DLGAP2: variants seen among roughly 807,000 people sequenced by gnomAD.
DLGAP2 encodes the protein DLG associated protein 2, also known as disks large-associated protein 2.
In DLGAP2, 26 loss-of-function variants were observed where a neutral mutation model predicts 100.3. That is an observed-to-expected ratio of 0.26 (90% CI 0.19 to 0.36). DLGAP2 has a LOEUF of 0.36. Among genes scored for constraint, DLGAP2 ranks in the 10% least tolerant of loss-of-function variants. DLGAP2 has a pLI of 1.00. For missense variants in DLGAP2, 1,858 were observed against 1,453.2 expected, an observed-to-expected ratio of 1.28 and a Z score of -4.53; for synonymous variants, 886 against 630.1, an observed-to-expected ratio of 1.41 and a Z score of -6.08.
chr8:1,075,753 G>C (rs1267573601), intron 2 of DLGAP2, among the ~76,000 whole-genome samples: 4 of 152,024 alleles, frequency 2.6e-5, no homozygotes, highest in Admixed American at 6.5e-5. Flanking sequence ...GCTGAGTGAT[G>C]AGCAGATGGT....
chr8:924,014 C>T lies in DLGAP2; in HGVS notation c.73+16048C>T, dbSNP rs765315098. Among the ~76,000 whole-genome samples the T allele has an allele frequency of 4.6e-5, 7 of 152,122 alleles. No homozygotes were observed. The East Asian group carries it at 9.6e-4, about 21-fold the overall frequency. ...ATGCTGTTAACATTGCTTTGAATTC[C>T]GTAGTTACTGATGAATGTCACATGA... On this transcript the variant is annotated intron_variant, in intron 2 of 14. Transcript: ENST00000637795.
intron 2 of DLGAP2, among the ~76,000 whole-genome samples, chr8:1,053,111 C>T (rs1022432146): frequency 1.3e-5 from 2 of 152,122 alleles, no homozygotes; most frequent in Non-Finnish European, 2.9e-5. Flanking sequence ...TTTGCAATTT[C>T]GCAATGGAAA....
chr8:1,351,890 G>C lies in DLGAP2; in HGVS notation c.106+93007G>C, dbSNP rs1347692708. ...GCAGGTCCTGACTGTGTTTGGAAAG[G>C]CCGTGCGGGTCCTGACTGTGGAAAG... is the stretch of plus-strand genomic sequence containing the variant. On this transcript the variant is annotated intron_variant, in intron 3 of 14. Coordinates refer to ENST00000637795, the MANE Select transcript of DLGAP2 (RefSeq NM_001346810.2). 2.9e-4 allele frequency among the ~76,000 whole-genome samples: 27 copies of C among 94,042 alleles called. 5 individuals are homozygous for C. Among genetic ancestry groups the C allele is most frequent in the Admixed American group, 7.1e-4 (6 of 8,498 alleles). 61.7% of individuals were successfully genotyped at this position (94,042 alleles called of 152,430 possible). A position where few individuals can be genotyped will look rare whatever the true frequency, so the allele number is the denominator to read the frequency against.
At chr8:871,124 G>C (rs1051996528) in intron 1 of DLGAP2, among the ~76,000 whole-genome samples, 1 of 152,196 alleles carries the variant, frequency 6.6e-6, no homozygotes, top group Non-Finnish European at 1.5e-5. Flanking sequence ...CAGTGTGCAG[G>C]TGTCTGCCTG....
chr8:757,784 A>G lies in DLGAP2; in HGVS notation c.18+19959A>G, dbSNP rs537794977. On this transcript the variant is annotated intron_variant, in intron 1 of 14. Coordinates refer to ENST00000637795, the MANE Select transcript of DLGAP2 (RefSeq NM_001346810.2). ...TGAAGTTGTTCTGAAGCTGTATCCA[A>G]TTCCCTGGTGCTCTGCATGAAAGTC... Among the ~76,000 whole-genome samples the G allele has an allele frequency of 1.1e-4, 16 of 152,312 alleles. No homozygotes were observed. The South Asian group carries it at 3.3e-3, about 32-fold the overall frequency.
At chr8:1,296,476 T>C (rs1443874010) in intron 3 of DLGAP2, among the ~76,000 whole-genome samples, 2 of 152,216 alleles carry the variant, frequency 1.3e-5, no homozygotes, top group East Asian at 1.9e-4. Flanking sequence ...TCATATTGTA[T>C]GTGTGTCTCC....
At chr8:1,320,847 G>A (rs1462372688) in intron 3 of DLGAP2, among the ~76,000 whole-genome samples, 5 of 152,082 alleles carry the variant, frequency 3.3e-5, no homozygotes, top group Non-Finnish European at 7.4e-5. Context: ...GTGCACGTGT[G>A]TTTCTCTCTG....
chr8:886,760 C>T (rs373990284), intron 1 of DLGAP2, among the ~76,000 whole-genome samples: 2 of 152,292 alleles, frequency 1.3e-5, no homozygotes, highest in African/African-American at 4.8e-5. Context: ...AGTTCTTTTG[C>T]ATTTGCTGAG....
chr8:927,419 G>A (rs527596848), intron 2 of DLGAP2, among the ~76,000 whole-genome samples: 2 of 152,250 alleles, frequency 1.3e-5, no homozygotes, highest in African/African-American at 2.4e-5. Context: ...CTGAGCATAC[G>A]CGGCACACAC....
chr8:1,284,267 C>T (rs1799878413), intron 3 of DLGAP2, among the ~76,000 whole-genome samples: 1 of 152,104 alleles, frequency 6.6e-6, no homozygotes, highest in Admixed American at 6.6e-5. Flanking sequence ...TGTTAATATG[C>T]TTTTGAGTAG....
chr8:1,180,309 TC>T (rs965212127), intron 2 of DLGAP2, among the ~76,000 whole-genome samples: 2 of 152,172 alleles, frequency 1.3e-5, no homozygotes, highest in African/African-American at 4.8e-5. Flanking sequence ...TGCAGAGCGT[TC>T]CCTCCTGCCA....
chr8:1,051,854 G>A (rs185188355), intron 2 of DLGAP2, among the ~76,000 whole-genome samples: 4 of 152,224 alleles, frequency 2.6e-5, no homozygotes, highest in Admixed American at 1.3e-4. Flanking sequence ...TGGAGAAGTC[G>A]ACTGGGAGTC....
intron 2 of DLGAP2, among the ~76,000 whole-genome samples, chr8:1,255,212 CTCA>C (rs61728613): frequency 5.2e-4 from 49 of 93,574 alleles, no homozygotes; most frequent in South Asian, 1.4e-3. Context: ...TGTGTGCCCT[CTCA>C]TCCTGCCTGG....
At chr8:1,243,958 C>G (rs932473591) in intron 2 of DLGAP2, among the ~76,000 whole-genome samples, 2 of 152,184 alleles carry the variant, frequency 1.3e-5, no homozygotes. Flanking sequence ...CCTTCCAGCT[C>G]CCAGCCTCCG....
intron 3 of DLGAP2, among the ~76,000 whole-genome samples, chr8:1,490,710 C>G (rs1049713490): frequency 6.6e-6 from 1 of 152,166 alleles, no homozygotes; most frequent in South Asian, 2.1e-4. Flanking sequence ...GTCAAATGAA[C>G]TGACCTGGGC....
At chr8:1,636,206 A>G (rs1489289984) in intron 8 of DLGAP2, among the ~76,000 whole-genome samples, 2 of 152,196 alleles carry the variant, frequency 1.3e-5, no homozygotes, top group African/African-American at 4.8e-5. Flanking sequence ...AGGGAATATT[A>G]TTGATATTGT....
intron 12 of DLGAP2, among the ~76,000 whole-genome samples, chr8:1,684,505 T>C (rs1257322204): frequency 1.3e-5 from 2 of 152,116 alleles, no homozygotes; most frequent in East Asian, 1.9e-4. Flanking sequence ...TCTCTGAATA[T>C]TGAAATTTCC....
chr8:920,733 C>T (rs751106519), intron 2 of DLGAP2, among the ~76,000 whole-genome samples: 8 of 152,050 alleles, frequency 5.3e-5, no homozygotes, highest in African/African-American at 1.2e-4. Flanking sequence ...CCAGCCTGGG[C>T]GACAGAGCGG....
At chr8:1,163,829 A>G (rs1268988244) in intron 2 of DLGAP2, among the ~76,000 whole-genome samples, 1 of 152,128 alleles carries the variant, frequency 6.6e-6, no homozygotes, top group African/African-American at 2.4e-5. Context: ...GTGCTTGGGT[A>G]CGGAGGCTCA....
Sources: gnomAD v4.1 joint callset for allele counts (sites outside exome capture counted in the v4.1 genomes callset) on GRCh38, gnomAD v4.1.1 for gene constraint, MANE v1.5 for transcripts, NCBI Gene and HGNC (gene_info 2026-07-23, HGNC 2026-07-21) for gene names.